The following PATJ variants were observed in gnomAD, a reference collection of about 807,000 sequenced individuals.
PATJ encodes PATJ crumbs cell polarity complex component.
Under a neutral mutation model 224.9 loss-of-function variants are expected in PATJ, and 190 were observed. The ratio of observed to expected loss-of-function variants is 0.84; its 90% CI spans 0.75 to 0.95. The LOEUF (loss-of-function observed/expected upper bound fraction) is 0.95. Among genes scored for constraint, PATJ ranks in the 40% least tolerant of loss-of-function variants. PATJ has a pLI of 0.00. For missense variants in PATJ, 2,121 were observed against 2,270.3 expected, an observed-to-expected ratio of 0.93 and a Z score of 1.34; for synonymous variants, 769 against 820.3, an observed-to-expected ratio of 0.94 and a Z score of 1.07.
At chr1:62,079,641 G>C in intron 32 of PATJ, 74 bp downstream of exon 32, 1 of 940,154 alleles carries the variant, frequency 1.1e-6, no homozygotes, top group Non-Finnish European at 1.7e-6. Context: ...GTCCTAAAAC[G>C]AGAACTGGAC....
At chr1:62,075,425 T>G (rs1235916285) in intron 31 of PATJ, among the ~76,000 whole-genome samples, 2 of 152,208 alleles carry the variant, frequency 1.3e-5, no homozygotes, top group Admixed American at 6.5e-5. Flanking sequence ...ATGGGTTTAT[T>G]TATTTACCTT....
At chr1:62,103,559 C>G (rs959938472) in intron 33 of PATJ, among the ~76,000 whole-genome samples, 1 of 152,178 alleles carries the variant, frequency 6.6e-6, no homozygotes, top group African/African-American at 2.4e-5. Context: ...TCAAGACCAG[C>G]TTGGCCACCA....
chr1:61,828,675 A>G (rs1295671685), intron 16 of PATJ, among the ~76,000 whole-genome samples: 1 of 152,156 alleles, frequency 6.6e-6, no homozygotes, highest in Non-Finnish European at 1.5e-5. Context: ...TATAGGTGTG[A>G]GCGACTGTAC....
chr1:61,921,346 C>A (rs1305446309), intron 26 of PATJ, among the ~76,000 whole-genome samples: 1 of 152,178 alleles, frequency 6.6e-6, no homozygotes, highest in Non-Finnish European at 1.5e-5. Context: ...CACTGTCTTT[C>A]AGTTCAGATT....
rs137888430 is a variant in PATJ, at chr1:62,162,734, G to A, written c.*1680G>A. 2,520 of 176,548 alleles carry A rather than the reference G, an allele frequency of 0.014. 60 individuals are homozygous for A. The highest frequency in any genetic ancestry group is 0.057 in the African/African-American group (2,376 of 41,736). 10.9% of individuals were successfully genotyped at this position (176,548 alleles called of 1,614,324 possible). A position where few individuals can be genotyped will look rare whatever the true frequency, so the allele number is the denominator to read the frequency against. The stretch of plus-strand genomic sequence containing the variant: ...GAGGCCAGGGCAGGCGAATCATGAG[G>A]TCAGGAGTTCGAGACCAGCCTGGCC... On this transcript the variant is annotated 3_prime_UTR_variant, in exon 44 of 44. Transcript: ENST00000642238.
chr1:61,788,959 C>G (rs537604703), intron 8 of PATJ, among the ~76,000 whole-genome samples: 6 of 1,372 alleles, frequency 4.4e-3, no homozygotes, highest in Admixed American at 0.014. Context: ...CAGGCGTGAG[C>G]CACCATGATG....
intron 29 of PATJ, among the ~76,000 whole-genome samples, chr1:62,032,351 C>T (rs1407736943): frequency 6.6e-6 from 1 of 152,096 alleles, no homozygotes; most frequent in Non-Finnish European, 1.5e-5. Context: ...GTTTAGAATT[C>T]ATTTAAGTCA....
intron 11 of PATJ, among the ~76,000 whole-genome samples, chr1:61,801,187 C>G (rs1652415894): frequency 6.6e-6 from 1 of 152,156 alleles, no homozygotes; most frequent in African/African-American, 2.4e-5. Context: ...TTAGTTTACA[C>G]TCCCACCAAC....
Position 62,160,998 on chromosome 1 carries a change from G to C in PATJ, c.5593G>C (p.Ala1865Pro). The change falls in exon 44 of 44, where the codon GCA becomes CCA. Residue 1865 changes from alanine to proline, a missense_variant. Physicochemically the swap from Ala to Pro is conservative, Grantham distance 27 (BLOSUM62 -1). Transcript: ENST00000642238. ...ETLEGVTHEQ[A>P]VAILKHQRGT... Reference sequence around the variant, plus strand: ...CCTGGAAGGTGTTACTCATGAGCAAGCAGTCGCCATTCTAAAACACCAGAG... The same window carrying C: ...CCTGGAAGGTGTTACTCATGAGCAACCAGTCGCCATTCTAAAACACCAGAG... 1 of 1,610,394 alleles carries C rather than the reference G, an allele frequency of 6.2e-7. No individual in the cohort carries two copies. Among genetic ancestry groups the C allele is most frequent in the South Asian group, 1.1e-5 (1 of 90,332 alleles).
intron 30 of PATJ, among the ~76,000 whole-genome samples, chr1:62,046,504 G>C (rs868178986): frequency 2.6e-5 from 4 of 152,136 alleles, no homozygotes; most frequent in African/African-American, 7.2e-5. Context: ...GGAAAAGTGG[G>C]GAGGCGTAGT....
At chr1:62,049,504 A>C (rs1038534484) in intron 30 of PATJ, among the ~76,000 whole-genome samples, 2 of 152,180 alleles carry the variant, frequency 1.3e-5, no homozygotes, top group African/African-American at 4.8e-5. Context: ...TTTCAGCCAA[A>C]TCTGTAGTAA....
rs1652519129 is a variant in PATJ, at chr1:61,801,617, T to G, written c.1403-6T>G. The G allele has an allele frequency of 1.3e-6, 2 of 1,498,142 alleles. No homozygotes were observed. Among genetic ancestry groups the G allele is most frequent in the Admixed American group, 2.2e-5 (1 of 44,566 alleles). The allele number at this position is 1,498,142 out of a possible 1,614,324, so 92.8% of individuals were successfully genotyped here. A position where few individuals can be genotyped will look rare whatever the true frequency, so the allele number is the denominator to read the frequency against. ...AATTTTAAAAAATTATTTTTTTTTG[T>G]TTTAGGAACTGTTGTAGAACCACTG... On this transcript the variant is annotated splice_polypyrimidine_tract_variant and splice_region_variant and intron_variant, in intron 11 of 43. Coordinates refer to ENST00000642238, the MANE Select transcript of PATJ (RefSeq NM_001350145.3).
At chr1:61,977,397 G>A (rs1644197424) in intron 27 of PATJ, among the ~76,000 whole-genome samples, 1 of 152,026 alleles carries the variant, frequency 6.6e-6, no homozygotes, top group Non-Finnish European at 1.5e-5. Flanking sequence ...GCCCAAACTG[G>A]AAATTTTTTG....
chr1:61,794,757 G>T (rs1188560876), intron 9 of PATJ, among the ~76,000 whole-genome samples: 1 of 152,024 alleles, frequency 6.6e-6, no homozygotes, highest in Non-Finnish European at 1.5e-5. Flanking sequence ...GGAGGCCGAG[G>T]TGGGCGGATC....
intron 38 of PATJ, among the ~76,000 whole-genome samples, chr1:62,122,353 A>G (rs1367057249): frequency 7.2e-6 from 1 of 138,724 alleles, no homozygotes; most frequent in Admixed American, 7.3e-5. Flanking sequence ...CGACAGAGTG[A>G]GACTCCATCT....
At chr1:62,064,618 C>T (rs751255856) in intron 31 of PATJ, among the ~76,000 whole-genome samples, 3 of 152,142 alleles carry the variant, frequency 2.0e-5, no homozygotes, top group Non-Finnish European at 4.4e-5. Flanking sequence ...TGAGCCACCG[C>T]GCCGGGCCTT....
intron 42 of PATJ, 137 bp from the exon 43 acceptor site, chr1:62,153,221 C>A (rs1668809071): frequency 1.9e-6 from 1 of 528,898 alleles, no homozygotes. Flanking sequence ...AGATTGCTTT[C>A]TGAGAGTTTG....
chr1:61,757,569 A>C (rs1200235783), intron 1 of PATJ, among the ~76,000 whole-genome samples: 1 of 151,570 alleles, frequency 6.6e-6, no homozygotes, highest in African/African-American at 2.4e-5. Flanking sequence ...TGTTTTATGT[A>C]GATACAGGGC....
intron 29 of PATJ, among the ~76,000 whole-genome samples, chr1:62,032,768 G>A (rs779972652): frequency 2.0e-5 from 3 of 152,182 alleles, no homozygotes; most frequent in Non-Finnish European, 1.5e-5. Flanking sequence ...TTCTCACACT[G>A]CTATGAAAAT....
Sources: gnomAD v4.1 joint callset for allele counts (sites outside exome capture counted in the v4.1 genomes callset) on GRCh38, gnomAD v4.1.1 for gene constraint, MANE v1.5 for transcripts, NCBI Gene and HGNC (gene_info 2026-07-23, HGNC 2026-07-21) for gene names.